The following PRELID3B variants were observed in gnomAD, a reference collection of about 807,000 sequenced individuals.
The protein encoded by PRELID3B is PRELI domain containing 3B.
PRELID3B carries 15 observed loss-of-function variants against 24.0 expected under a neutral mutation model. That is an observed-to-expected ratio of 0.63 (90% CI 0.42 to 0.96). The LOEUF (loss-of-function observed/expected upper bound fraction) is 0.96. PRELID3B is among the 40% of genes least tolerant of loss of function. The pLI is 0.00. For synonymous variants in PRELID3B, 62 were observed against 76.0 expected (o/e 0.82, Z 0.96); for missense variants, 189 against 236.0 (o/e 0.80, Z 1.30).
intron 2 of PRELID3B, among the ~76,000 whole-genome samples, chr20:59,037,877 A>G (rs988188507): frequency 5.3e-5 from 8 of 152,154 alleles, no homozygotes; most frequent in African/African-American, 1.9e-4. Context: ...TTCTTAGTGA[A>G]CCTACTCTCC....
intron 5 of PRELID3B, 55 bp downstream of exon 5, chr20:59,036,416 T>C (rs1014547329): frequency 1.2e-5 from 17 of 1,368,362 alleles, no homozygotes; most frequent in Admixed American, 1.0e-4. Flanking sequence ...CAGCACCCCA[T>C]TCCATTCCCA....
chr20:59,037,072 A>G (rs918024924), intron 3 of PRELID3B, 119 bp downstream of exon 3: 1 of 769,002 alleles, frequency 1.3e-6, no homozygotes, highest in Admixed American at 2.3e-5. Context: ...AGGCCAGCAC[A>G]TAAGCAGGGA....
At position 59,034,890 on chromosome 20, in the gene PRELID3B, C is replaced by CAAAAAAA. The variant is rs34173406; in HGVS notation, c.*110_*116dup. 1.2e-5 allele frequency: 8 copies of CAAAAAAA among 667,748 alleles called. No individual in the cohort carries two copies. Among genetic ancestry groups the CAAAAAAA allele is most frequent in the South Asian group, 9.8e-5 (2 of 20,472 alleles). The allele number at this position is 667,748 out of a possible 1,614,324, so 41.4% of individuals were successfully genotyped here. On this transcript the variant is annotated 3_prime_UTR_variant, in exon 6 of 6. Coordinates refer to ENST00000355937, the MANE Select transcript of PRELID3B (RefSeq NM_016045.3). Reference sequence around the variant, plus strand: ...GTCACATAGCCTTACACCAACTTATCAAAAAAAAAAAAAAAAAAACTACCC... The same window carrying CAAAAAAA: ...GTCACATAGCCTTACACCAACTTATCAAAAAAAAAAAAAAAAAAAAAAAAAACTACCC...
chr20:59,036,791 A>G, intron 3 of PRELID3B, 31 bp from the exon 4 acceptor site: 2 of 1,406,930 alleles, frequency 1.4e-6, no homozygotes, highest in Non-Finnish European at 1.9e-6. Flanking sequence ...AAAAAGATCA[A>G]ATCATTTTGG....
intron 1 of PRELID3B, among the ~76,000 whole-genome samples, chr20:59,038,865 T>C (rs1174240441): frequency 6.6e-6 from 1 of 152,212 alleles, no homozygotes; most frequent in East Asian, 1.9e-4. Context: ...AACTCATATC[T>C]ATAAAGATCA....
At chr20:59,037,552 C>T (rs914110164) in intron 2 of PRELID3B, among the ~76,000 whole-genome samples, 10 of 152,172 alleles carry the variant, frequency 6.6e-5, no homozygotes, top group Non-Finnish European at 1.2e-4. Context: ...CTGAATCTGC[C>T]GCGGTGCGAC....
intron 1 of PRELID3B, among the ~76,000 whole-genome samples, chr20:59,042,443 G>C (rs8114590): frequency 0.021 from 3,125 of 152,310 alleles, 111 homozygotes; most frequent in African/African-American, 0.072. Flanking sequence ...GTGGGGGACA[G>C]CCCGGAAGTG....
chr20:59,036,878 C>T (rs1243822533), intron 3 of PRELID3B, 118 bp from the exon 4 acceptor site: 4 of 692,456 alleles, frequency 5.8e-6, no homozygotes, highest in Admixed American at 2.9e-5. Context: ...ACAAATAAAC[C>T]GCTGCTATTA....
intron 3 of PRELID3B, among the ~76,000 whole-genome samples, 193 bp downstream of exon 3, chr20:59,036,998 C>T (rs952309898): frequency 2.0e-5 from 3 of 152,020 alleles, no homozygotes; most frequent in Non-Finnish European, 2.9e-5. Context: ...GAGTGCTATC[C>T]CCTTAGAGAT....
chr20:59,038,746 A>G, intron 1 of PRELID3B, 112 bp from the exon 2 acceptor site: 2 of 1,357,988 alleles, frequency 1.5e-6, no homozygotes, highest in Non-Finnish European at 1.9e-6. Context: ...TGTAAGTTTA[A>G]TGAGTTTACC....
chr20:59,035,339 A>G (rs1164480773), intron 5 of PRELID3B, among the ~76,000 whole-genome samples: 1 of 152,258 alleles, frequency 6.6e-6, no homozygotes, highest in Non-Finnish European at 1.5e-5. Flanking sequence ...TTTACTTTGT[A>G]TGCAAAAGAT....
rs1022056367 is a variant in PRELID3B at position 59,040,262 on chromosome 20, T to A, written c.33-1628A>T. On this transcript the variant is annotated intron_variant, in intron 1 of 5. Coordinates refer to ENST00000355937, the MANE Select transcript of PRELID3B (RefSeq NM_016045.3). This position sits in a 1 kb window ranked among gnomAD's most constrained non-coding sequence, Gnocchi z 4.1. Reference sequence around the variant, plus strand: ...ACATTACAAACAATACTTATTATGATTAATCTTCCAGCAATTAATCTGAGC... The same window carrying A: ...ACATTACAAACAATACTTATTATGAATAATCTTCCAGCAATTAATCTGAGC... 1.3e-5 allele frequency among the ~76,000 whole-genome samples: 2 copies of A among 152,244 alleles called. No homozygotes were observed. Among genetic ancestry groups the A allele is most frequent in the Non-Finnish European group, 2.9e-5 (2 of 68,046 alleles).
intron 2 of PRELID3B, 115 bp downstream of exon 2, chr20:59,038,351 C>T (rs2092088156): frequency 1.4e-5 from 11 of 808,464 alleles, no homozygotes; most frequent in South Asian, 2.4e-5. Context: ...ACAACTTGAA[C>T]GGATGCAAAA....
chr20:59,042,657 C>T (rs779189692), intron 1 of PRELID3B, 42 bp downstream of exon 1: 2 of 1,564,358 alleles, frequency 1.3e-6, no homozygotes, highest in Non-Finnish European at 1.7e-6. Context: ...CCAGGGCCGG[C>T]GTGCCTGCCC....
At chr20:59,035,495 C>T (rs1356396604) in intron 5 of PRELID3B, among the ~76,000 whole-genome samples, 1 of 152,204 alleles carries the variant, frequency 6.6e-6, no homozygotes, top group East Asian at 1.9e-4. Flanking sequence ...AGGATCTGGT[C>T]CTCAACTCAC....
At chr20:59,041,346 T>C (rs942337389) in intron 1 of PRELID3B, among the ~76,000 whole-genome samples, 11 of 152,178 alleles carry the variant, frequency 7.2e-5, no homozygotes, top group African/African-American at 2.7e-4. Context: ...GATTCCAGTA[T>C]TCTATACTTT....
At chr20:59,035,322 A>T (rs1216871554) in intron 5 of PRELID3B, among the ~76,000 whole-genome samples, 196 bp from the exon 6 acceptor site, 1 of 152,226 alleles carries the variant, frequency 6.6e-6, no homozygotes, top group African/African-American at 2.4e-5. Flanking sequence ...TGATCCATAA[A>T]CTGACTTTTA....
intron 5 of PRELID3B, among the ~76,000 whole-genome samples, chr20:59,035,801 G>C (rs1399240489): frequency 6.6e-6 from 1 of 152,126 alleles, no homozygotes; most frequent in East Asian, 1.9e-4. Context: ...TTTGCTCCCT[G>C]CTGTATACCC....
intron 1 of PRELID3B, among the ~76,000 whole-genome samples, chr20:59,041,860 A>T (rs753604706): frequency 6.6e-6 from 1 of 152,226 alleles, no homozygotes; most frequent in Non-Finnish European, 1.5e-5. Context: ...AGATCAGCGG[A>T]ACAGAGCAGG....
Sources: gnomAD v4.1 joint callset for allele counts (sites outside exome capture counted in the v4.1 genomes callset) on GRCh38, gnomAD v4.1.1 for gene constraint, Gnocchi (gnomAD v3.1) non-coding constraint, MANE v1.5 for transcripts, NCBI Gene and HGNC (gene_info 2026-07-23, HGNC 2026-07-21) for gene names.